TTLL10: variants seen among roughly 807,000 people sequenced by gnomAD.
TTLL10 encodes the protein tubulin tyrosine ligase like 10.
A neutral mutation model predicts 69.0 loss-of-function variants in TTLL10; 61 were observed. The ratio of observed to expected loss-of-function variants is 0.88; its 90% CI spans 0.72 to 1.09. The LOEUF (loss-of-function observed/expected upper bound fraction) is 1.09, where lower values mean the gene tolerates loss of function less well. TTLL10 is among the 50% of genes least tolerant of loss of function. TTLL10 has a pLI of 0.00. For missense variants in TTLL10, 962 were observed against 945.9 expected, an observed-to-expected ratio of 1.02 and a Z score of -0.22; for synonymous variants, 408 against 393.3, an observed-to-expected ratio of 1.04 and a Z score of -0.44.
chr1:1,176,398 T>C (rs1203877069), intron 3 of TTLL10: 1 of 455,084 alleles, frequency 2.2e-6, no homozygotes, highest in African/African-American at 2.0e-5. Context: ...CTGGAGAGGC[T>C]GGGGCACACA....
Position 1,196,723 on chromosome 1 carries a change from T to A in TTLL10, c.1518+7T>A. On this transcript the variant is annotated splice_region_variant and intron_variant, in intron 14 of 15. Transcript: ENST00000379289. ...GATTGATGACAACTTCAAGGTGCTG[T>A]CCTGGGCGGCGGGGGGCACAGTAGA... 4 of 1,541,942 alleles carry A rather than the reference T, an allele frequency of 2.6e-6. No individual in the cohort carries two copies. The highest frequency in any genetic ancestry group is 3.5e-6 in the Non-Finnish European group (4 of 1,137,814).
rs1235157987 is a variant in TTLL10 at position 1,181,381 on chromosome 1, T to C, written c.756-360T>C. 6.6e-6 allele frequency among the ~76,000 whole-genome samples: 1 copy of C among 151,648 alleles called. No homozygotes were observed. The highest frequency in any genetic ancestry group is 1.5e-5 in the Non-Finnish European group (1 of 67,922). On this transcript the variant is annotated intron_variant, in intron 8 of 15. Transcript: ENST00000379289. The surrounding 1 kb of genome is among the most constrained non-coding windows in gnomAD (Gnocchi z 4.6). The stretch of plus-strand genomic sequence containing the variant: ...AGTCTGGGCCATCCATCCTAGCGAC[T>C]TCGTCCTCCTGCTCCCAGCCCTGCC...
intron 13 of TTLL10, among the ~76,000 whole-genome samples, chr1:1,189,053 A>G (rs1025790148): frequency 2.6e-5 from 4 of 152,092 alleles, no homozygotes; most frequent in African/African-American, 9.7e-5. Context: ...GTGTGTGTGC[A>G]CTCTTCAAGA....
At position 1,176,196 on chromosome 1, in the gene TTLL10, G is replaced by A. The variant is rs113564442; in HGVS notation, c.-28+1707G>A. ...GGTGGAGAGAGGCTGCCGCTGTGCC[G>A]GTGGAGAGGCTGCTGCTCCCAGCCG... is the stretch of plus-strand genomic sequence containing the variant. On this transcript the variant is annotated intron_variant, in intron 3 of 15. Transcript: ENST00000379289. 3,155 of 438,092 alleles carry A rather than the reference G, an allele frequency of 7.2e-3. 44 individuals carry two copies. The highest frequency in any genetic ancestry group is 0.011 in the Non-Finnish European group (2,349 of 217,398). 27.1% of individuals were successfully genotyped at this position (438,092 alleles called of 1,614,324 possible).
chr1:1,182,531 G>A, intron 10 of TTLL10, 85 bp downstream of exon 10: 1 of 1,423,654 alleles, frequency 7.0e-7, no homozygotes. Flanking sequence ...TGAGGGCAGG[G>A]CTGGGTCTGG....
intron 13 of TTLL10, among the ~76,000 whole-genome samples, chr1:1,194,389 C>CA (rs1185875872): frequency 6.6e-6 from 1 of 151,992 alleles, no homozygotes; most frequent in East Asian, 1.9e-4. Flanking sequence ...CAATCACATA[C>CA]AAAAAAATAC....
At chr1:1,186,843 GTTTTTTGTTTTT>G (rs991771372) in intron 13 of TTLL10, among the ~76,000 whole-genome samples, 223 of 140,012 alleles carry the variant, frequency 1.6e-3, no homozygotes, top group African/African-American at 5.4e-3. Context: ...TTTTTTGTTT[GTTTTTTGTTTTT>G]TTTTTTTTGA....
intron 13 of TTLL10, among the ~76,000 whole-genome samples, chr1:1,196,125 G>A (rs1648191889): frequency 6.6e-6 from 1 of 152,198 alleles, no homozygotes; most frequent in Admixed American, 6.5e-5. Flanking sequence ...GGAACTACTA[G>A]ACATAAGAAA....
chr1:1,196,689 T>C lies in TTLL10; in HGVS notation c.1491T>C (p.Cys497=), dbSNP rs367932523. 7 of 1,551,864 alleles carry C rather than the reference T, an allele frequency of 4.5e-6. No individual in the cohort carries two copies. Among genetic ancestry groups the C allele is most frequent in the African/African-American group, 1.4e-5 (1 of 73,028 alleles). Residue 497 remains cysteine, a synonymous_variant, in exon 14 of 16, where the codon TGT becomes TGC. Transcript: ENST00000379289. ...CKLGYFDLIG[C]DFLIDDNFKV... ...TGGGTTACTTTGACCTCATTGGCTG[T>C]GACTTCCTGATTGATGACAACTTCA... is the stretch of plus-strand genomic sequence containing the variant.
In TTLL10 at chr1:1,180,755, C is replaced by T; in HGVS notation, c.650C>T (p.Pro217Leu). Reference sequence around the variant, plus strand: ...GGAGAGCAGCTGCTGTACCAGCTTCCCAACAACAAGCTCCTCACCACCAAG... The same window carrying T: ...GGAGAGCAGCTGCTGTACCAGCTTCTCAACAACAAGCTCCTCACCACCAAG... ...REGEQLLYQL[P>L]NNKLLTTKIG... Residue 217 changes from proline (P) to leucine (L), a missense_variant, in exon 8 of 16, where the codon CCC becomes CTC. Transcript: ENST00000379289. 1 of 1,608,530 alleles carries T rather than the reference C, an allele frequency of 6.2e-7. No homozygotes were observed. The highest frequency in any genetic ancestry group is 1.1e-5 in the South Asian group (1 of 89,632).
chr1:1,194,993 TCTTTC>T (rs1648097055), intron 13 of TTLL10, among the ~76,000 whole-genome samples: 1 of 152,122 alleles, frequency 6.6e-6, no homozygotes, highest in Admixed American at 6.6e-5. Context: ...TCTCTCTCTC[TCTTTC>T]ATTTTTTGTT....
chr1:1,195,493 C>T (rs1030845760), intron 13 of TTLL10, among the ~76,000 whole-genome samples: 6 of 94,512 alleles, frequency 6.3e-5, no homozygotes, highest in Admixed American at 2.5e-4. Flanking sequence ...AAGACATCAT[C>T]GTCATACTTT....
chr1:1,178,889 G>A (rs576010104), intron 3 of TTLL10, among the ~76,000 whole-genome samples: 23 of 152,246 alleles, frequency 1.5e-4, no homozygotes, highest in Admixed American at 1.3e-3. Context: ...CAGGCCTGAC[G>A]CTGCCCCTCC....
chr1:1,183,099 C>T, intron 11 of TTLL10, 52 bp downstream of exon 11: 1 of 1,528,724 alleles, frequency 6.5e-7, no homozygotes, highest in Non-Finnish European at 8.8e-7. Context: ...CTGACCCGGG[C>T]CCCACTGGTG....
chr1:1,190,867 C>T (rs1036897800), intron 13 of TTLL10, among the ~76,000 whole-genome samples: 3 of 151,858 alleles, frequency 2.0e-5, no homozygotes, highest in Non-Finnish European at 2.9e-5. Flanking sequence ...CTCTTGTCAC[C>T]TAGGCTGGAG....
chr1:1,186,441 T>G (rs988510614), intron 13 of TTLL10, among the ~76,000 whole-genome samples: 2 of 142,016 alleles, frequency 1.4e-5, no homozygotes, highest in African/African-American at 5.2e-5. Flanking sequence ...TATTTTGCCA[T>G]CAGCTGGTGG....
Position 1,180,219 on chromosome 1 carries a change from A to G in TTLL10, c.385A>G (p.Asn129Asp), listed in dbSNP as rs754284961. ...CCGGCCTGCAGACTCGGATGACACT[A>G]ACGCCGCCGGGCCCTCAGCTGCCCT... ...SHRPADSDDT[N>D]AAGPSAALLE... Residue 129 changes from asparagine (N) to aspartate (D), a missense_variant, in exon 6 of 16, where the codon AAC becomes GAC. Physicochemically the swap from Asn to Asp is conservative, Grantham distance 23. Coordinates refer to ENST00000379289, the MANE Select transcript of TTLL10 (RefSeq NM_001130045.2). 1 of 1,609,866 alleles carries G rather than the reference A, an allele frequency of 6.2e-7. No individual in the cohort carries two copies. Among genetic ancestry groups the G allele is most frequent in the Non-Finnish European group, 8.5e-7 (1 of 1,178,862 alleles).
At chr1:1,178,967 C>T (rs979187079) in intron 3 of TTLL10, among the ~76,000 whole-genome samples, 4 of 152,344 alleles carry the variant, frequency 2.6e-5, no homozygotes, top group Middle Eastern at 3.4e-3. Flanking sequence ...AGGACATGCC[C>T]GGCAGAGACA....
chr1:1,196,291 C>G (rs1326261444), intron 13 of TTLL10: 1 of 347,622 alleles, frequency 2.9e-6, no homozygotes, highest in Non-Finnish European at 5.5e-6. Flanking sequence ...CAGTTCTTAC[C>G]AAGATTCGAG....
Sources: gnomAD v4.1 joint callset for allele counts (sites outside exome capture counted in the v4.1 genomes callset) on GRCh38, gnomAD v4.1.1 for gene constraint, Gnocchi (gnomAD v3.1) non-coding constraint, MANE v1.5 for transcripts, NCBI Gene and HGNC (gene_info 2026-07-23, HGNC 2026-07-21) for gene names.